The following FRMD4A variants were observed in gnomAD, a reference collection of about 807,000 sequenced individuals.
FRMD4A encodes FERM domain containing 4A.
In FRMD4A, 29 loss-of-function variants were observed where a neutral mutation model predicts 129.1. That is an observed-to-expected ratio of 0.22 (90% CI 0.17 to 0.31). FRMD4A has a LOEUF of 0.31. Ranked by LOEUF, FRMD4A falls within the 10% of genes least tolerant of loss-of-function variation. The pLI is 1.00. For synonymous variants in FRMD4A, 634 were observed against 571.6 expected (o/e 1.11, Z -1.56); for missense variants, 1,272 against 1,375.8 (o/e 0.92, Z 1.19).
intron 15 of FRMD4A, among the ~76,000 whole-genome samples, chr10:13,688,707 C>CT (rs377624360): frequency 1.0e-3 from 155 of 151,986 alleles, no homozygotes; most frequent in Middle Eastern, 6.8e-3. Flanking sequence ...ATATTGACTT[C>CT]TTTTTTATTT....
At chr10:14,234,144 T>G (rs190896890) in intron 2 of FRMD4A, among the ~76,000 whole-genome samples, 69 of 152,292 alleles carry the variant, frequency 4.5e-4, no homozygotes, top group African/African-American at 1.3e-3. Context: ...TTTTTTTGTC[T>G]GAACTCTTGA....
intron 2 of FRMD4A, among the ~76,000 whole-genome samples, chr10:14,246,100 C>A (rs1047431910): frequency 6.6e-6 from 1 of 152,130 alleles, no homozygotes; most frequent in African/African-American, 2.4e-5. Context: ...GCTCCCATTC[C>A]CAAAGACTGA....
chr10:13,755,171 T>A (rs758888669), intron 8 of FRMD4A, among the ~76,000 whole-genome samples: 4 of 152,198 alleles, frequency 2.6e-5, no homozygotes, highest in African/African-American at 9.6e-5. Context: ...AAAAAGTCTT[T>A]TAGAAGAAAA....
intron 2 of FRMD4A, among the ~76,000 whole-genome samples, chr10:14,088,302 C>T (rs941396771): frequency 2.6e-5 from 4 of 151,764 alleles, no homozygotes; most frequent in African/African-American, 9.7e-5. Context: ...CGACATTTAG[C>T]GGGCTGTGGT....
chr10:13,978,967 C>G (rs2131399593), intron 2 of FRMD4A, among the ~76,000 whole-genome samples: 1 of 152,224 alleles, frequency 6.6e-6, no homozygotes, highest in Non-Finnish European at 1.5e-5. Context: ...TGTCATCTAT[C>G]AATTACCCCT....
chr10:13,930,118 C>A (rs184569316), intron 2 of FRMD4A, among the ~76,000 whole-genome samples: 1 of 152,166 alleles, frequency 6.6e-6, no homozygotes, highest in African/African-American at 2.4e-5. Context: ...CACCCTATTT[C>A]AAACTTGGTG....
chr10:13,712,560 G>A (rs1168136338), intron 12 of FRMD4A, among the ~76,000 whole-genome samples: 2 of 151,982 alleles, frequency 1.3e-5, no homozygotes, highest in Non-Finnish European at 2.9e-5. Flanking sequence ...TGGATGATCT[G>A]GACTTGCGTG....
Position 13,660,382 on chromosome 10 carries a change from C to A in FRMD4A, c.1832G>T (p.Trp611Leu). Residue 611 changes from tryptophan (W) to leucine (L), a missense_variant, in exon 20 of 25, where the codon TGG becomes TTG. Physicochemically the swap from Trp to Leu is moderately conservative, Grantham distance 61 (BLOSUM62 -2). Around this residue, in one of 2 missense-constraint regions of FRMD4A, gnomAD observed 972 missense variants for 892.3 expected, o/e 1.09. Coordinates refer to ENST00000357447, the MANE Select transcript of FRMD4A (RefSeq NM_018027.5). ...YDKSPIKPKM[W>L]SESSLDEPYE... The stretch of plus-strand genomic sequence containing the variant: ...GGGTTCATCTAAAGAGGACTCACTC[C>A]ACATTTTGGGCTTGATGGGTGACTT... 1 of 1,614,142 alleles carries A rather than the reference C, an allele frequency of 6.2e-7. No individual in the cohort carries two copies. Among genetic ancestry groups the A allele is most frequent in the Non-Finnish European group, 8.5e-7 (1 of 1,180,004 alleles).
chr10:13,762,619 C>A lies in FRMD4A; in HGVS notation c.441+5G>T. The A allele has an allele frequency of 1.3e-6, 2 of 1,562,396 alleles. No individual in the cohort carries two copies. Among genetic ancestry groups the A allele is most frequent in the Non-Finnish European group, 1.8e-6 (2 of 1,133,024 alleles). On this transcript the variant is annotated splice_donor_5th_base_variant and intron_variant, in intron 7 of 24. Coordinates refer to ENST00000357447, the MANE Select transcript of FRMD4A (RefSeq NM_018027.5). ...GACATAAAGAGGAGGAGAAAAACAA[C>A]TTACCTGTAAAATATAGGAAGCTAA...
intron 2 of FRMD4A, among the ~76,000 whole-genome samples, chr10:14,256,593 C>T (rs1211969581): frequency 6.6e-6 from 1 of 152,024 alleles, no homozygotes; most frequent in Non-Finnish European, 1.5e-5. Flanking sequence ...ATTGAATTGG[C>T]CCTAACATAC....
At chr10:13,839,131 T>G (rs7905677) in intron 3 of FRMD4A, among the ~76,000 whole-genome samples, 123,994 of 151,498 alleles carry the variant, frequency 0.82, 50,924 homozygotes, top group East Asian at 0.96. Context: ...TAGTAGCTGG[T>G]ACTACAGGTG....
intron 5 of FRMD4A, among the ~76,000 whole-genome samples, chr10:13,786,184 G>A (rs2092856854): frequency 6.6e-6 from 1 of 152,182 alleles, no homozygotes; most frequent in Non-Finnish European, 1.5e-5. Flanking sequence ...CTAGATCCTT[G>A]AGGAATCGCC....
intron 3 of FRMD4A, among the ~76,000 whole-genome samples, chr10:13,831,849 G>A (rs2093794838): frequency 6.6e-6 from 1 of 152,112 alleles, no homozygotes; most frequent in Non-Finnish European, 1.5e-5. Context: ...CATTCACCGG[G>A]GGAGAGGCTG....
intron 15 of FRMD4A, chr10:13,684,039 G>A (rs1284901038): frequency 6.6e-6 from 1 of 152,074 alleles, no homozygotes; most frequent in African/African-American, 2.4e-5. Context: ...TCTCTGAGAA[G>A]GTTAAGCCTG....
chr10:13,838,235 A>G (rs972484870), intron 3 of FRMD4A, among the ~76,000 whole-genome samples: 13 of 146,820 alleles, frequency 8.9e-5, no homozygotes. Flanking sequence ...ACAGACGTGC[A>G]CCACCATGCA....
At chr10:14,053,341 T>G (rs1427540646) in intron 2 of FRMD4A, among the ~76,000 whole-genome samples, 1 of 152,114 alleles carries the variant, frequency 6.6e-6, no homozygotes, top group African/African-American at 2.4e-5. Flanking sequence ...TCCTTCCCTG[T>G]AAACAAACAC....
chr10:13,742,212 G>T (rs1172545989), intron 9 of FRMD4A, among the ~76,000 whole-genome samples: 1 of 152,156 alleles, frequency 6.6e-6, no homozygotes, highest in Non-Finnish European at 1.5e-5. Flanking sequence ...GCAGTGGCAA[G>T]CCCGCCTCCT....
At chr10:14,252,572 G>A (rs935725561) in intron 2 of FRMD4A, among the ~76,000 whole-genome samples, 1 of 152,194 alleles carries the variant, frequency 6.6e-6, no homozygotes, top group Non-Finnish European at 1.5e-5. Flanking sequence ...ATGGCCCTTG[G>A]GCAGGAGTAC....
At chr10:13,675,088 A>G (rs1251699890) in intron 15 of FRMD4A, 44 bp from the exon 16 acceptor site, 15 of 1,563,638 alleles carry the variant, frequency 9.6e-6, no homozygotes, top group Admixed American at 3.3e-5. Flanking sequence ...GACAGGGGAC[A>G]CACATCTGGA....
Sources: gnomAD v4.1 joint callset for allele counts (sites outside exome capture counted in the v4.1 genomes callset) on GRCh38, gnomAD v4.1.1 for gene constraint, gnomAD v4.1.1 regional missense constraint, MANE v1.5 for transcripts, NCBI Gene and HGNC (gene_info 2026-07-23, HGNC 2026-07-21) for gene names.